The following DLG1 variants were observed in gnomAD, a reference collection of about 807,000 sequenced individuals.
DLG1 encodes discs large MAGUK scaffold protein 1.
In DLG1, 42 loss-of-function variants were observed where a neutral mutation model predicts 123.4. The ratio of observed to expected loss-of-function variants is 0.34; its 90% confidence interval spans 0.27 to 0.44. DLG1 has a LOEUF of 0.44. DLG1 is among the 20% of genes least tolerant of loss of function. The probability of loss-of-function intolerance (pLI) is 1.00; values close to 1 mark genes in which losing one functional copy is unlikely to be tolerated. For synonymous variants in DLG1, 317 were observed against 356.2 expected (o/e 0.89, Z 1.24); for missense variants, 942 against 1,082.6 (o/e 0.87, Z 1.82).
intron 5 of DLG1, among the ~76,000 whole-genome samples, chr3:197,155,949 T>C (rs774707232): frequency 1.3e-5 from 2 of 152,010 alleles, no homozygotes; most frequent in Non-Finnish European, 2.9e-5. Context: ...ACCCTGCCTA[T>C]AAATAAATAA....
chr3:197,128,174 CTGAAG>C (rs1169773945), intron 11 of DLG1, among the ~76,000 whole-genome samples: 1 of 152,200 alleles, frequency 6.6e-6, no homozygotes, highest in African/African-American at 2.4e-5. Context: ...TCTTTCAAAA[CTGAAG>C]TGAATTCTCT....
At chr3:197,066,209 G>A (rs1334867639) in intron 20 of DLG1, among the ~76,000 whole-genome samples, 4 of 152,180 alleles carry the variant, frequency 2.6e-5, no homozygotes, top group Non-Finnish European at 5.9e-5. Flanking sequence ...TAGCATTCTA[G>A]AAAGATGATC....
chr3:197,085,299 T>C (rs1376838802), intron 16 of DLG1: 1 of 392,062 alleles, frequency 2.6e-6, no homozygotes. Flanking sequence ...TGCTTACATG[T>C]TGGAGGTGCA....
intron 19 of DLG1, chr3:197,068,410 G>T (rs1741230936): frequency 2.4e-6 from 2 of 832,720 alleles, no homozygotes; most frequent in South Asian, 1.6e-5. Context: ...AGTAACTATT[G>T]TGTAGAAAAA....
chr3:197,297,519 C>A, intron 1 of DLG1: 1 of 1,203,876 alleles, frequency 8.3e-7, no homozygotes, highest in Non-Finnish European at 1.0e-6. Context: ...GCCTCTTCCC[C>A]CGCACAAGTA....
chr3:197,216,219 A>T (rs1339232671), intron 4 of DLG1, among the ~76,000 whole-genome samples: 1 of 152,224 alleles, frequency 6.6e-6, no homozygotes, highest in African/African-American at 2.4e-5. Context: ...CTATTCCATC[A>T]TCCTTCAGAC....
chr3:197,286,997 C>CA (rs1772186374), intron 3 of DLG1, among the ~76,000 whole-genome samples: 1 of 152,012 alleles, frequency 6.6e-6, no homozygotes, highest in African/African-American at 2.4e-5. Flanking sequence ...CTCAGGCTCC[C>CA]AAGCAGCTGG....
chr3:197,085,837 A>C, intron 15 of DLG1, 81 bp from the exon 16 acceptor site: 1 of 1,336,768 alleles, frequency 7.5e-7, no homozygotes, highest in Admixed American at 2.3e-5. Flanking sequence ...AGTATATGTA[A>C]TTTGGGTAAT....
intron 4 of DLG1, among the ~76,000 whole-genome samples, chr3:197,242,246 A>G (rs1749287871): frequency 6.6e-6 from 1 of 152,196 alleles, no homozygotes; most frequent in African/African-American, 2.4e-5. Context: ...CAGCAAGAGG[A>G]TATAACAATT....
intron 12 of DLG1, among the ~76,000 whole-genome samples, chr3:197,117,767 A>C (rs895811099): frequency 6.6e-5 from 10 of 152,186 alleles, no homozygotes; most frequent in African/African-American, 2.4e-4. Context: ...AAAATTGTGA[A>C]TGCAATTAAC....
chr3:197,105,813 C>T (rs2149317589), intron 13 of DLG1, among the ~76,000 whole-genome samples: 1 of 152,118 alleles, frequency 6.6e-6, no homozygotes, highest in Non-Finnish European at 1.5e-5. Context: ...ATGTAATAAA[C>T]TTTAAATACC....
At chr3:197,100,648 A>C (rs1762964371) in intron 14 of DLG1, among the ~76,000 whole-genome samples, 1 of 152,202 alleles carries the variant, frequency 6.6e-6, no homozygotes, top group Non-Finnish European at 1.5e-5. Context: ...CCAAGAGTTT[A>C]ATGAGTAGTT....
chr3:197,062,077 A>T (rs1348269398), intron 22 of DLG1, among the ~76,000 whole-genome samples: 5 of 149,592 alleles, frequency 3.3e-5, no homozygotes, highest in Non-Finnish European at 7.4e-5. Context: ...CTATCCACTT[A>T]CTTACTCACA....
Position 197,197,364 on chromosome 3 carries a change from G to A in DLG1, c.319-2775C>T, listed in dbSNP as rs1218930467. 4.6e-5 allele frequency among the ~76,000 whole-genome samples: 7 copies of A among 151,956 alleles called. 1 individual carries two copies. Among genetic ancestry groups the A allele is most frequent in the Admixed American group, 1.3e-4 (2 of 15,252 alleles). On this transcript the variant is annotated intron_variant, in intron 4 of 24. Coordinates refer to ENST00000667157, the MANE Select transcript of DLG1 (RefSeq NM_001366207.1). ...AATGCCTAAACTAATTCATTCACTG[G>A]GATTTGCAAAAATTGTGACAAACTA...
intron 13 of DLG1, among the ~76,000 whole-genome samples, chr3:197,105,408 T>A (rs1451016394): frequency 6.6e-6 from 1 of 152,168 alleles, no homozygotes; most frequent in Non-Finnish European, 1.5e-5. Flanking sequence ...CCTGCCACAT[T>A]CTCACGCCTA....
At chr3:197,209,359 G>A (rs1325595275) in intron 4 of DLG1, among the ~76,000 whole-genome samples, 3 of 146,610 alleles carry the variant, frequency 2.0e-5, no homozygotes, top group Non-Finnish European at 4.6e-5. Flanking sequence ...ATAAATGTGT[G>A]TACTTAATAA....
chr3:197,052,283 C>T (rs1462995717), intron 23 of DLG1, among the ~76,000 whole-genome samples: 1 of 151,994 alleles, frequency 6.6e-6, no homozygotes, highest in African/African-American at 2.4e-5. Flanking sequence ...GACGAAACCC[C>T]GACTCTACTA....
intron 13 of DLG1, among the ~76,000 whole-genome samples, chr3:197,109,520 G>A (rs1174028113): frequency 2.0e-5 from 3 of 152,036 alleles, no homozygotes; most frequent in African/African-American, 7.2e-5. Flanking sequence ...TCAGGTTGGA[G>A]AAAAAAAGAG....
At chr3:197,104,344 G>A (rs563316804) in intron 14 of DLG1, among the ~76,000 whole-genome samples, 2 of 152,022 alleles carry the variant, frequency 1.3e-5, no homozygotes, top group Non-Finnish European at 2.9e-5. Flanking sequence ...ACATAATGGG[G>A]GTTTTGTGGG....
Sources: gnomAD v4.1 joint callset for allele counts (sites outside exome capture counted in the v4.1 genomes callset) on GRCh38, gnomAD v4.1.1 for gene constraint, MANE v1.5 for transcripts, NCBI Gene and HGNC (gene_info 2026-07-23, HGNC 2026-07-21) for gene names.